Variants in DLGAP1 observed in about 807,000 individuals in gnomAD.
The protein encoded by DLGAP1 is DLG associated protein 1, also known as disks large-associated protein 1.
Under a neutral mutation model 90.8 loss-of-function variants are expected in DLGAP1, and 11 were observed. The ratio of observed to expected loss-of-function variants is 0.12; its 90% CI spans 0.08 to 0.20. The LOEUF (loss-of-function observed/expected upper bound fraction) is 0.20. Among genes scored for constraint, DLGAP1 ranks in the 10% least tolerant of loss-of-function variants. DLGAP1 has a pLI of 1.00. For synonymous variants in DLGAP1, 558 were observed against 540.7 expected (o/e 1.03, Z -0.44); for missense variants, 1,050 against 1,333.8 (o/e 0.79, Z 3.31).
intron 7 of DLGAP1, among the ~76,000 whole-genome samples, chr18:3,621,948 A>G (rs1015649181): frequency 3.9e-5 from 6 of 152,088 alleles, no homozygotes; most frequent in African/African-American, 1.4e-4. Flanking sequence ...TCTGGGTGAC[A>G]GAGTGAGACC....
At chr18:4,297,835 G>A (rs601609) in intron 1 of DLGAP1, among the ~76,000 whole-genome samples, 146,920 of 152,178 alleles carry the variant, frequency 0.97, 71,145 homozygotes, top group East Asian at 1. Context: ...AGTAGCCCAT[G>A]AAAGTTTAGT....
chr18:4,445,319 T>C (rs941806786), intron 1 of DLGAP1, among the ~76,000 whole-genome samples: 55 of 151,968 alleles, frequency 3.6e-4, no homozygotes, highest in Non-Finnish European at 6.6e-4. Flanking sequence ...TATTATACTT[T>C]AAGTTTTAGG....
chr18:3,963,131 T>C (rs2073239928), intron 3 of DLGAP1, among the ~76,000 whole-genome samples: 1 of 152,174 alleles, frequency 6.6e-6, no homozygotes, highest in African/African-American at 2.4e-5. Context: ...CTGCTTTGCT[T>C]TGGGGGTGCC....
At chr18:3,750,840 C>A (rs952736186) in intron 5 of DLGAP1, among the ~76,000 whole-genome samples, 1 of 152,192 alleles carries the variant, frequency 6.6e-6, no homozygotes, top group Non-Finnish European at 1.5e-5. Flanking sequence ...CCTTCCTCTG[C>A]TTTCCACCCA....
chr18:3,865,014 T>C (rs1048434463), intron 4 of DLGAP1, among the ~76,000 whole-genome samples: 1 of 152,040 alleles, frequency 6.6e-6, no homozygotes, highest in Admixed American at 6.6e-5. Flanking sequence ...CCAAGCAGAA[T>C]TCTGGTTCAC....
At chr18:4,003,067 A>G (rs890185512) in intron 3 of DLGAP1, among the ~76,000 whole-genome samples, 2 of 152,166 alleles carry the variant, frequency 1.3e-5, no homozygotes, top group Admixed American at 1.3e-4. Flanking sequence ...TCCTCCCCTA[A>G]GAAGCTTTGA....
intron 5 of DLGAP1, among the ~76,000 whole-genome samples, chr18:3,744,537 C>A (rs1041543456): frequency 6.6e-6 from 1 of 152,012 alleles, no homozygotes; most frequent in African/African-American, 2.4e-5. Flanking sequence ...AACGTAATTG[C>A]GACAAAAATC....
At chr18:4,435,946 G>C (rs1399636634) in intron 1 of DLGAP1, among the ~76,000 whole-genome samples, 1 of 152,182 alleles carries the variant, frequency 6.6e-6, no homozygotes, top group Non-Finnish European at 1.5e-5. Flanking sequence ...GCGCACACAG[G>C]TGTCACAAAT....
intron 11 of DLGAP1, among the ~76,000 whole-genome samples, chr18:3,505,625 T>G (rs1313893673): frequency 8.5e-6 from 1 of 117,412 alleles, no homozygotes; most frequent in Non-Finnish European, 1.7e-5. Context: ...GGCAACAGAG[T>G]GAGACTCCCT....
rs1023091847 is a variant in DLGAP1 at position 3,729,670 on chromosome 18, A to G, written c.1351-295T>C. ...GTGATCCACCCGCCTGGGCCTCCCA[A>G]AGTGCTGGGATTACAGGCATGAGCT... On this transcript the variant is annotated intron_variant, in intron 6 of 12. Transcript: ENST00000315677. The surrounding 1 kb of genome is among the most constrained non-coding windows in gnomAD (Gnocchi z 6.2). Among the ~76,000 whole-genome samples, 2 of 152,172 alleles carry G rather than the reference A, an allele frequency of 1.3e-5. No homozygotes were observed. Among genetic ancestry groups the G allele is most frequent in the South Asian group, 4.1e-4 (2 of 4,824 alleles).
chr18:3,700,755 G>T (rs1048227782), intron 7 of DLGAP1, among the ~76,000 whole-genome samples: 8 of 151,902 alleles, frequency 5.3e-5, no homozygotes, highest in Admixed American at 5.2e-4. Flanking sequence ...GACTACAGGC[G>T]CCCACCACCA....
chr18:4,021,580 T>G (rs978019009), intron 2 of DLGAP1, among the ~76,000 whole-genome samples: 1 of 152,026 alleles, frequency 6.6e-6, no homozygotes, highest in Admixed American at 6.6e-5. Flanking sequence ...CTCAGGTATT[T>G]CTTTTCTTTT....
At chr18:4,061,436 T>A (rs1179884447) in intron 2 of DLGAP1, among the ~76,000 whole-genome samples, 1 of 152,170 alleles carries the variant, frequency 6.6e-6, no homozygotes, top group Non-Finnish European at 1.5e-5. Context: ...TATTATTCAG[T>A]TTACCCATAA....
In DLGAP1 at chr18:3,895,280, T is replaced by TACACACAC. The variant is rs35493688; in HGVS notation, c.-72-15148_-72-15141dup. Among the ~76,000 whole-genome samples the TACACACAC allele has an allele frequency of 7.0e-3, 963 of 137,342 alleles. 8 individuals are homozygous for TACACACAC. The highest frequency in any genetic ancestry group is 0.019 in the African/African-American group (704 of 36,806). The allele number at this position is 137,342 out of a possible 152,430, so 90.1% of individuals were successfully genotyped here. A position where few individuals can be genotyped will look rare whatever the true frequency, so the allele number is the denominator to read the frequency against. On this transcript the variant is annotated intron_variant, in intron 3 of 12. Coordinates refer to ENST00000315677, the MANE Select transcript of DLGAP1 (RefSeq NM_004746.4). ...CATTGTATTTCCCTTGGATGTTTAT[T>TACACACAC]ACACACACACACACACACACACACA... is the stretch of plus-strand genomic sequence containing the variant.
At chr18:3,830,222 A>G (rs1462824463) in intron 4 of DLGAP1, among the ~76,000 whole-genome samples, 2 of 152,244 alleles carry the variant, frequency 1.3e-5, no homozygotes, top group African/African-American at 4.8e-5. Context: ...TCTTGTTGAC[A>G]AATGAACAGG....
intron 7 of DLGAP1, among the ~76,000 whole-genome samples, chr18:3,670,374 G>A (rs559766672): frequency 2.0e-5 from 3 of 152,208 alleles, no homozygotes; most frequent in African/African-American, 4.8e-5. Context: ...TTCAAAAGAC[G>A]TGCAATCACC....
At chr18:3,652,952 C>T (rs964247509) in intron 7 of DLGAP1, among the ~76,000 whole-genome samples, 5 of 152,182 alleles carry the variant, frequency 3.3e-5, no homozygotes, top group East Asian at 3.9e-4. Context: ...TACACCACTT[C>T]GGTTGGACCA....
chr18:3,514,463 C>T (rs1239666168), intron 10 of DLGAP1, among the ~76,000 whole-genome samples: 1 of 152,204 alleles, frequency 6.6e-6, no homozygotes, highest in Admixed American at 6.5e-5. Context: ...GTGAAGGTTA[C>T]TACGGTAGAT....
intron 3 of DLGAP1, among the ~76,000 whole-genome samples, chr18:3,960,410 T>C (rs1198810765): frequency 1.3e-5 from 2 of 151,400 alleles, no homozygotes; most frequent in Admixed American, 6.6e-5. Flanking sequence ...CAACTTAAAT[T>C]GCTTTAGCCA....
Sources: allele counts gnomAD v4.1 joint callset (sites outside exome capture counted in the v4.1 genomes callset), GRCh38; gene constraint gnomAD v4.1.1; non-coding constraint Gnocchi (gnomAD v3.1); transcripts MANE v1.5; gene names NCBI Gene and HGNC (gene_info 2026-07-23, HGNC 2026-07-21).